Variants in WDR20 observed in about 807,000 individuals in gnomAD.
WDR20 encodes WD repeat domain 20, also known as WD repeat-containing protein 20.
In WDR20, 3 loss-of-function variants were observed where a neutral mutation model predicts 38.7. That is an observed-to-expected ratio of 0.08 (90% CI 0.04 to 0.20). The LOEUF is 0.20. Among genes scored for constraint, WDR20 ranks in the 10% least tolerant of loss-of-function variants. WDR20 has a pLI of 1.00. For missense variants in WDR20, 559 were observed against 727.7 expected (o/e 0.77, Z 2.67); for synonymous variants, 298 against 285.6 (o/e 1.04, Z -0.44).
chr14:102,157,865 T>C (rs540680931), intron 1 of WDR20, among the ~76,000 whole-genome samples: 105 of 152,234 alleles, frequency 6.9e-4, no homozygotes, highest in South Asian at 2.9e-3. Flanking sequence ...CTTTTAGAAT[T>C]CTTAGTATGA....
At position 102,222,441 on chromosome 14, in the gene WDR20, C is replaced by T. The variant is rs372556571; in HGVS notation, c.1693-389C>T. Among the ~76,000 whole-genome samples the T allele has an allele frequency of 7.2e-5, 11 of 152,364 alleles. No homozygotes were observed. The East Asian group carries it at 1.9e-3, about 27-fold the overall frequency. The stretch of plus-strand genomic sequence containing the variant: ...GAGGGACTGGGTGTGCGGTCCAGAA[C>T]TGCGGTGCCCTGGGCTCAACCCTGG... On this transcript the variant is annotated intron_variant, in intron 3 of 3. Coordinates refer to the WDR20 transcript ENST00000335263. This position sits in a 1 kb window ranked among gnomAD's most constrained non-coding sequence, Gnocchi z 4.4.
downstream of WDR20, among the ~76,000 whole-genome samples, chr14:102,211,329 T>C (rs2062499891): frequency 6.6e-6 from 1 of 152,170 alleles, no homozygotes; most frequent in Non-Finnish European, 1.5e-5. The surrounding 1 kb of genome is among the most constrained non-coding windows in gnomAD (Gnocchi z 4.2). Flanking sequence ...TTCTCTGCAG[T>C]GTAAAGACCC....
rs769010773 is a variant in WDR20, at chr14:102,195,100, A to G, written c.412A>G (p.Ser138Gly). The G allele has an allele frequency of 3.7e-6, 6 of 1,614,160 alleles. No homozygotes were observed. The South Asian group carries it at 5.5e-5, about 15-fold the overall frequency. The change falls in exon 2 of 3, where the codon AGC becomes GGC. Residue 138 changes from serine (S) to glycine (G), a missense_variant. Ser to Gly is a moderately conservative substitution (Grantham distance 56, BLOSUM62 0). Coordinates refer to ENST00000342702, the MANE Select transcript of WDR20 (RefSeq NM_144574.4). ...QLIDPIKKETSKLFNEERLID... is the reference protein window; with the variant it reads ...QLIDPIKKETGKLFNEERLID... The stretch of plus-strand genomic sequence containing the variant: ...TATAGACCCAATCAAAAAAGAAACT[A>G]GCAAACTTTTTAATGAGGAAGTAAG...
chr14:102,149,774 A>C (rs1301722624), intron 1 of WDR20, among the ~76,000 whole-genome samples: 1 of 152,122 alleles, frequency 6.6e-6, no homozygotes, highest in Non-Finnish European at 1.5e-5. Flanking sequence ...GCACACTGCA[A>C]CCTCTGCCTC....
chr14:102,140,334 G>T (rs1566754588), intron 1 of WDR20, 162 bp downstream of exon 1: 4 of 1,208,598 alleles, frequency 3.3e-6, no homozygotes, highest in Non-Finnish European at 4.5e-6. Context: ...GGGGATTCAG[G>T]AGTAAGGAGG....
rs754963349 is a variant in WDR20, at chr14:102,209,424, T to C, written c.1254T>C (p.Val418=). ...CTGCTGGAAGCAATGGGAACAGTGT[T>C]ACAACACCCGGGAACTCTGTGCCGC... ...SPPAGSNGNS[V]TTPGNSVPPP... Residue 418 remains valine, a synonymous_variant, in exon 3 of 3, where the codon GTT becomes GTC. Transcript: ENST00000342702. The surrounding 1 kb of genome is among the most constrained non-coding windows in gnomAD (Gnocchi z 6.0). The C allele has an allele frequency of 6.2e-7, 1 of 1,614,144 alleles. No homozygotes were observed. Among genetic ancestry groups the C allele is most frequent in the Admixed American group, 1.7e-5 (1 of 60,018 alleles).
chr14:102,210,132 C>T lies in WDR20; in HGVS notation c.*252C>T, dbSNP rs1481271858. ...ATCCTCCTGGGAGTATATAGAGTCC[C>T]AAGGTTAGCGCTCCTGTATTAGACT... is the stretch of plus-strand genomic sequence containing the variant. On this transcript the variant is annotated 3_prime_UTR_variant, in exon 3 of 3. Coordinates refer to ENST00000342702, the MANE Select transcript of WDR20 (RefSeq NM_144574.4). 8.2e-7 allele frequency: 1 copy of T among 1,222,874 alleles called. No homozygotes were observed. The highest frequency in any genetic ancestry group is 3.7e-5 in the East Asian group (1 of 26,702). The allele number at this position is 1,222,874 out of a possible 1,614,324, so 75.8% of individuals were successfully genotyped here.
At chr14:102,152,345 A>G (rs2056187374) in intron 1 of WDR20, among the ~76,000 whole-genome samples, 2 of 152,110 alleles carry the variant, frequency 1.3e-5, no homozygotes, top group South Asian at 2.1e-4. Context: ...TATTAATAAC[A>G]TATTAATCAT....
chr14:102,213,323 A>G (rs920835712), downstream of WDR20: 1 of 985,368 alleles, frequency 1.0e-6, no homozygotes, highest in Non-Finnish European at 1.2e-6. Context: ...GTGCAGGAGT[A>G]GACACTTTAC....
At chr14:102,140,518 C>G (rs565032434) in intron 1 of WDR20, among the ~76,000 whole-genome samples, 1 of 152,206 alleles carries the variant, frequency 6.6e-6, no homozygotes, top group South Asian at 2.1e-4. Context: ...GTGAGGTGGC[C>G]GTCTTGTCTG....
chr14:102,155,042 C>A (rs958354188), intron 1 of WDR20, among the ~76,000 whole-genome samples: 2 of 152,298 alleles, frequency 1.3e-5, no homozygotes, highest in East Asian at 3.9e-4. Context: ...TTAAAATAGA[C>A]CAACTCATGT....
intron 1 of WDR20, among the ~76,000 whole-genome samples, chr14:102,184,826 C>G (rs539314991): frequency 5.9e-5 from 9 of 152,292 alleles, no homozygotes; most frequent in Admixed American, 5.9e-4. Flanking sequence ...TGCCGCCTCT[C>G]AAAGCCTTGC....
At chr14:102,159,402 G>A (rs549980301) in intron 1 of WDR20, among the ~76,000 whole-genome samples, 14 of 152,310 alleles carry the variant, frequency 9.2e-5, no homozygotes, top group Non-Finnish European at 1.5e-4. Flanking sequence ...CTGGGAGCCT[G>A]TTGGAAGTGC....
In WDR20 at chr14:102,194,988, G is replaced by A; in HGVS notation, c.300G>A (p.Gln100=). ...PIDKRIYKGT[Q]PTCHDFNHLT... ...ATAAAAGGATATACAAAGGAACACA[G>A]CCTACTTGTCATGACTTCAACCACC... The change falls in exon 2 of 3, where the codon CAG becomes CAA. Residue 100 remains glutamine, a synonymous_variant. Transcript: ENST00000342702. 1 of 1,614,176 alleles carries A rather than the reference G, an allele frequency of 6.2e-7. No individual in the cohort carries two copies. Among genetic ancestry groups the A allele is most frequent in the Non-Finnish European group, 8.5e-7 (1 of 1,180,030 alleles).
chr14:102,212,391 G>T (rs993036847), downstream of WDR20: 4 of 1,027,180 alleles, frequency 3.9e-6, no homozygotes, highest in Admixed American at 2.2e-5. Context: ...CACTGTGCCA[G>T]CCTGGGGAGG....
chr14:102,167,460 GTCC>G (rs1232416588), intron 1 of WDR20: 1 of 152,246 alleles, frequency 6.6e-6, no homozygotes, highest in African/African-American at 2.4e-5. Flanking sequence ...GCCTCAAGCT[GTCC>G]TCCTGCCTTG....
intron 1 of WDR20, among the ~76,000 whole-genome samples, chr14:102,142,811 G>A (rs538958250): frequency 3.7e-4 from 52 of 141,882 alleles, no homozygotes; most frequent in African/African-American, 1.2e-3. Context: ...CCTTTGAGGC[G>A]TGTAAAATTT....
chr14:102,216,717 C>G (rs2063262763), downstream of WDR20, among the ~76,000 whole-genome samples: 1 of 152,066 alleles, frequency 6.6e-6, no homozygotes, highest in Non-Finnish European at 1.5e-5. Context: ...ATCACCTGAG[C>G]CCAGGAGTTT....
At chr14:102,192,935 A>G (rs2058750389) in intron 1 of WDR20, among the ~76,000 whole-genome samples, 1 of 151,964 alleles carries the variant, frequency 6.6e-6, no homozygotes, top group East Asian at 1.9e-4. Flanking sequence ...AGCCTCCTGA[A>G]TAACTGGGAC....
Sources: allele counts gnomAD v4.1 joint callset (sites outside exome capture counted in the v4.1 genomes callset), GRCh38; gene constraint gnomAD v4.1.1; non-coding constraint Gnocchi (gnomAD v3.1); transcripts MANE v1.5; gene names NCBI Gene and HGNC (gene_info 2026-07-23, HGNC 2026-07-21).